Variants in FRMD4A observed in about 807,000 individuals in gnomAD.
FRMD4A encodes the protein FERM domain containing 4A.
FRMD4A carries 29 observed loss-of-function variants against 129.1 expected under a neutral mutation model. The ratio of observed to expected loss-of-function variants is 0.22; its 90% CI spans 0.17 to 0.31. FRMD4A has a LOEUF of 0.31. FRMD4A is among the 10% of genes least tolerant of loss of function. FRMD4A has a pLI of 1.00. For missense variants in FRMD4A, 1,272 were observed against 1,375.8 expected, an observed-to-expected ratio of 0.92 and a Z score of 1.19; for synonymous variants, 634 against 571.6, an observed-to-expected ratio of 1.11 and a Z score of -1.56.
At chr10:14,226,343 T>C (rs565563374) in intron 2 of FRMD4A, among the ~76,000 whole-genome samples, 92 of 152,240 alleles carry the variant, frequency 6.0e-4, no homozygotes, top group Non-Finnish European at 1.1e-3. Context: ...CCTCTCTCCT[T>C]GGAGATCACG....
chr10:14,010,664 C>CTT (rs779471389), intron 2 of FRMD4A, among the ~76,000 whole-genome samples: 32,027 of 76,288 alleles, frequency 0.42, 9,077 homozygotes, highest in Non-Finnish European at 0.58. Flanking sequence ...GAGTTTAGGT[C>CTT]TTTTTTTTTT....
intron 2 of FRMD4A, among the ~76,000 whole-genome samples, chr10:13,876,445 GT>G (rs2094490016): frequency 6.6e-6 from 1 of 152,172 alleles, no homozygotes; most frequent in African/African-American, 2.4e-5. Flanking sequence ...TAAATGTGTG[GT>G]CGAACATCCC....
chr10:13,697,534 G>C (rs1207562096), intron 14 of FRMD4A, among the ~76,000 whole-genome samples: 1 of 152,190 alleles, frequency 6.6e-6, no homozygotes, highest in Non-Finnish European at 1.5e-5. Flanking sequence ...TTGTCGGGGA[G>C]AGTCTCTCTT....
At chr10:13,875,047 G>A (rs914088990) in intron 2 of FRMD4A, among the ~76,000 whole-genome samples, 1 of 152,130 alleles carries the variant, frequency 6.6e-6, no homozygotes, top group Non-Finnish European at 1.5e-5. Flanking sequence ...AGTGATATCT[G>A]CAGAACACAG....
chr10:13,921,447 G>A (rs1258943714), intron 2 of FRMD4A, among the ~76,000 whole-genome samples: 1 of 152,008 alleles, frequency 6.6e-6, no homozygotes, highest in Non-Finnish European at 1.5e-5. Flanking sequence ...TTTTTGTAGA[G>A]ATCAGGTCTC....
chr10:13,707,557 A>G (rs1003248116), intron 12 of FRMD4A: 1 of 994,432 alleles, frequency 1.0e-6, no homozygotes, highest in African/African-American at 1.7e-5. Context: ...ATCTGCGTGG[A>G]GTGCTGAACT....
chr10:13,901,338 C>T (rs1589218009), intron 2 of FRMD4A, among the ~76,000 whole-genome samples: 1 of 152,206 alleles, frequency 6.6e-6, no homozygotes, highest in South Asian at 2.1e-4. Context: ...TGTGGTGGCT[C>T]ATGCCTGTAA....
rs547179699 is a variant in FRMD4A, at chr10:14,314,158, C to T, written c.45+15900G>A. Among the ~76,000 whole-genome samples the T allele has an allele frequency of 3.9e-5, 6 of 152,330 alleles. No homozygotes were observed. The South Asian group carries it at 1.2e-3, about 32-fold the overall frequency. On this transcript the variant is annotated intron_variant, in intron 2 of 24. Transcript: ENST00000357447. ...GCCACTATTGTCATTCAGCCACCAC[C>T]TCTGACACTAAAGAGCAGACACTGG...
intron 2 of FRMD4A, among the ~76,000 whole-genome samples, chr10:14,093,326 T>C (rs1164597492): frequency 6.6e-6 from 1 of 152,292 alleles, no homozygotes; most frequent in Middle Eastern, 3.4e-3. Flanking sequence ...TTTTAATAAA[T>C]TCGAAATTTT....
chr10:14,001,853 C>T (rs184591824), intron 2 of FRMD4A, among the ~76,000 whole-genome samples: 67 of 152,300 alleles, frequency 4.4e-4, no homozygotes, highest in African/African-American at 1.0e-3. Flanking sequence ...TGGCTGCCTG[C>T]GCTCAATGGT....
chr10:13,756,886 C>T (rs1293348065), intron 8 of FRMD4A, among the ~76,000 whole-genome samples: 1 of 152,134 alleles, frequency 6.6e-6, no homozygotes, highest in East Asian at 1.9e-4. Flanking sequence ...TAGAATATAA[C>T]TAGAAAATTG....
At chr10:13,800,069 C>A (rs2093220039) in intron 4 of FRMD4A, among the ~76,000 whole-genome samples, 1 of 152,054 alleles carries the variant, frequency 6.6e-6, no homozygotes, top group Admixed American at 6.6e-5. Context: ...GTAATCCCAG[C>A]TACTCAGGAG....
intron 2 of FRMD4A, among the ~76,000 whole-genome samples, chr10:13,910,888 GAAAAAAA>G (rs141449954): frequency 1.2e-5 from 1 of 83,100 alleles, no homozygotes; most frequent in African/African-American, 5.0e-5. Context: ...GGAGTTTCAT[GAAAAAAA>G]AAAAAAAAAA....
At chr10:14,141,129 C>T (rs1366854083) in intron 2 of FRMD4A, among the ~76,000 whole-genome samples, 2 of 152,008 alleles carry the variant, frequency 1.3e-5, no homozygotes, top group African/African-American at 4.8e-5. Flanking sequence ...AGTTCATCAG[C>T]GTCAGAGGCA....
chr10:14,296,380 C>T (rs1220007963), intron 2 of FRMD4A, among the ~76,000 whole-genome samples: 1 of 152,176 alleles, frequency 6.6e-6, no homozygotes, highest in Non-Finnish European at 1.5e-5. Context: ...CAACCTCATT[C>T]CCCTGGCTGT....
intron 2 of FRMD4A, among the ~76,000 whole-genome samples, chr10:14,153,191 G>A (rs1404159435): frequency 1.3e-5 from 2 of 152,226 alleles, no homozygotes; most frequent in African/African-American, 2.4e-5. Flanking sequence ...TGCTCATCCA[G>A]AGAAGTGAGG....
At chr10:13,854,934 A>G (rs1413716571) in intron 3 of FRMD4A, among the ~76,000 whole-genome samples, 1 of 152,170 alleles carries the variant, frequency 6.6e-6, no homozygotes, top group African/African-American at 2.4e-5. Flanking sequence ...TTCAGGACTT[A>G]AGGAGCTACC....
At chr10:13,958,985 T>C (rs953320477) in intron 2 of FRMD4A, among the ~76,000 whole-genome samples, 8 of 152,202 alleles carry the variant, frequency 5.3e-5, no homozygotes, top group African/African-American at 1.7e-4. Context: ...AGGGATTACA[T>C]TGGACTAAGT....
chr10:13,953,600 T>A (rs190106828), intron 2 of FRMD4A, among the ~76,000 whole-genome samples: 3 of 152,328 alleles, frequency 2.0e-5, no homozygotes, highest in Admixed American at 6.5e-5. Context: ...AGTAGCCATC[T>A]TGGTTCCCAG....
Sources: gnomAD v4.1 joint callset for allele counts (sites outside exome capture counted in the v4.1 genomes callset) on GRCh38, gnomAD v4.1.1 for gene constraint, MANE v1.5 for transcripts, NCBI Gene and HGNC (gene_info 2026-07-23, HGNC 2026-07-21) for gene names.